The following ENTREP2 variants were observed in gnomAD, a reference collection of about 807,000 sequenced individuals.
ENTREP2 encodes protein ENTREP2.
At chr15:29,631,822 C>T in the ENTREP2 span, among the ~76,000 whole-genome samples, 3 of 152,220 alleles carry the variant, frequency 2.0e-5, no homozygotes, top group Non-Finnish European at 4.4e-5. Flanking sequence ...TTGCTGCCAA[C>T]AGCTGCCACC....
At chr15:29,629,322 CAA>C in the ENTREP2 span, among the ~76,000 whole-genome samples, 2 of 152,138 alleles carry the variant, frequency 1.3e-5, no homozygotes, top group African/African-American at 4.8e-5. Context: ...GATTAGGGCT[CAA>C]GTCTACCATT....
chr15:29,448,049 G>A, the ENTREP2 span, among the ~76,000 whole-genome samples: 1 of 152,084 alleles, frequency 6.6e-6, no homozygotes, highest in Admixed American at 6.5e-5. Context: ...ACTCTAGCCT[G>A]GGTGATGGAG....
the ENTREP2 span, among the ~76,000 whole-genome samples, chr15:29,474,577 C>T: frequency 1.1e-4 from 17 of 151,958 alleles, no homozygotes; most frequent in African/African-American, 3.9e-4. Flanking sequence ...CCTTTGGAGA[C>T]AGGGTCTCAC....
the ENTREP2 span, among the ~76,000 whole-genome samples, chr15:29,562,750 G>A: frequency 6.6e-6 from 1 of 151,392 alleles, no homozygotes; most frequent in African/African-American, 2.4e-5. Context: ...CTATGTGTGT[G>A]TGTTGTTGTT....
At chr15:29,130,495 C>G in the ENTREP2 span, among the ~76,000 whole-genome samples, 194 of 152,194 alleles carry the variant, frequency 1.3e-3, 1 homozygote, top group Middle Eastern at 6.8e-3. Flanking sequence ...TCTTTTGGAT[C>G]GTAGACGGGT....
chr15:29,156,356 T>A, the ENTREP2 span, among the ~76,000 whole-genome samples: 1 of 151,992 alleles, frequency 6.6e-6, no homozygotes, highest in Admixed American at 6.5e-5. Flanking sequence ...GGCTAATTTT[T>A]TTTGTATTTT....
chr15:29,296,229 A>C, the ENTREP2 span, among the ~76,000 whole-genome samples: 1 of 152,328 alleles, frequency 6.6e-6, no homozygotes, highest in South Asian at 2.1e-4. Context: ...AATTAATAGA[A>C]ACAGTAATGT....
chr15:29,661,731 A>G, the ENTREP2 span, among the ~76,000 whole-genome samples: 2 of 152,192 alleles, frequency 1.3e-5, no homozygotes, highest in Admixed American at 6.5e-5. Context: ...AATGGCTGAC[A>G]GTCTCCACTT....
At chr15:29,339,660 G>A in the ENTREP2 span, among the ~76,000 whole-genome samples, 1 of 152,206 alleles carries the variant, frequency 6.6e-6, no homozygotes, top group South Asian at 2.1e-4. Flanking sequence ...GTACAACTTC[G>A]AGATAAATTA....
At chr15:29,435,445 T>C in the ENTREP2 span, among the ~76,000 whole-genome samples, 1 of 152,176 alleles carries the variant, frequency 6.6e-6, no homozygotes, top group Non-Finnish European at 1.5e-5. Context: ...TAGTGCATCC[T>C]GGGTGATGCT....
chr15:29,671,072 T>A, the ENTREP2 span, among the ~76,000 whole-genome samples: 1 of 152,132 alleles, frequency 6.6e-6, no homozygotes, highest in Non-Finnish European at 1.5e-5. Flanking sequence ...TAATCACCAG[T>A]GGTCAATGAT....
the ENTREP2 span, among the ~76,000 whole-genome samples, chr15:29,245,705 A>G: frequency 3.9e-5 from 6 of 152,092 alleles, no homozygotes; most frequent in Non-Finnish European, 8.8e-5. Context: ...AGATAAAGAA[A>G]TATAAGCAAC....
the ENTREP2 span, among the ~76,000 whole-genome samples, chr15:29,404,176 C>G: frequency 5.3e-5 from 8 of 152,054 alleles, no homozygotes; most frequent in African/African-American, 1.9e-4. Flanking sequence ...GCCGCCCACT[C>G]CCGCTGATGA....
the ENTREP2 span, among the ~76,000 whole-genome samples, chr15:29,622,872 G>A: frequency 6.6e-6 from 1 of 152,230 alleles, no homozygotes; most frequent in Non-Finnish European, 1.5e-5. Flanking sequence ...CCAGATGGCA[G>A]AGAGCGGTGT....
the ENTREP2 span, among the ~76,000 whole-genome samples, chr15:29,291,041 G>A: frequency 1.3e-5 from 2 of 152,164 alleles, no homozygotes; most frequent in African/African-American, 4.8e-5. Flanking sequence ...TAGAAGGGGT[G>A]TGTCCCCTCT....
chr15:29,515,942 A>T, the ENTREP2 span, among the ~76,000 whole-genome samples: 2 of 152,168 alleles, frequency 1.3e-5, no homozygotes, highest in South Asian at 2.1e-4. Flanking sequence ...AAATATGGCT[A>T]GTGCAACTAA....
the ENTREP2 span, chr15:29,675,323 G>T: frequency 6.6e-6 from 1 of 152,332 alleles, no homozygotes; most frequent in Non-Finnish European, 1.5e-5. Flanking sequence ...GAACTCCCAC[G>T]CAGCGTCCCA....
the ENTREP2 span, among the ~76,000 whole-genome samples, chr15:29,596,790 T>TC: frequency 1.3e-5 from 2 of 152,130 alleles, no homozygotes; most frequent in African/African-American, 4.8e-5. Context: ...TGCCTCAGCT[T>TC]CCCGAGTAGC....
the ENTREP2 span, among the ~76,000 whole-genome samples, chr15:29,565,557 A>G: frequency 6.6e-6 from 1 of 152,280 alleles, no homozygotes; most frequent in East Asian, 1.9e-4. Context: ...TTAAAAAATA[A>G]TAATAATGAG....
Sources: allele counts gnomAD v4.1 joint callset (sites outside exome capture counted in the v4.1 genomes callset), GRCh38; gene constraint gnomAD v4.1.1; transcripts MANE v1.5; gene names NCBI Gene and HGNC (gene_info 2026-07-23, HGNC 2026-07-21).